Variants in RAD51D observed in about 807,000 individuals in gnomAD.
RAD51D encodes the protein DNA repair protein RAD51 homolog 4.
A neutral mutation model predicts 44.1 loss-of-function variants in RAD51D; 38 were observed. The ratio of observed to expected loss-of-function variants is 0.86; its 90% CI spans 0.67 to 1.13. RAD51D has a LOEUF of 1.13. Ranked by LOEUF, RAD51D falls within the 50% of genes most tolerant of loss-of-function variation. The probability of loss-of-function intolerance (pLI) is 0.00; values close to 1 mark genes in which losing one functional copy is unlikely to be tolerated. For missense variants in RAD51D, 390 were observed against 414.0 expected, an observed-to-expected ratio of 0.94 and a Z score of 0.50; for synonymous variants, 141 against 166.6, an observed-to-expected ratio of 0.85 and a Z score of 1.18.
At chr17:35,114,663 G>A (rs2091716542) in intron 3 of RAD51D, among the ~76,000 whole-genome samples, 1 of 152,162 alleles carries the variant, frequency 6.6e-6, no homozygotes, top group Admixed American at 6.5e-5. Context: ...CTGCACTCCT[G>A]CCTGGGCAAC....
intron 3 of RAD51D, chr17:35,113,646 T>C: frequency 2.8e-6 from 1 of 361,874 alleles, no homozygotes; most frequent in Non-Finnish European, 5.6e-6. Context: ...TGGTTACCAC[T>C]CTAGCCCTGT....
Position 35,119,741 on chromosome 17 carries a change from G to C in RAD51D, c.-128C>G. 1 of 921,170 alleles carries C rather than the reference G, an allele frequency of 1.1e-6. No individual in the cohort carries two copies. Among genetic ancestry groups the C allele is most frequent in the Non-Finnish European group, 1.7e-6 (1 of 580,002 alleles). The allele number at this position is 921,170 out of a possible 1,614,324, so 57.1% of individuals were successfully genotyped here. A position where few individuals can be genotyped will look rare whatever the true frequency, so the allele number is the denominator to read the frequency against. ...CACAGGCGCGCTGGCTGCCGGAGGAGAAAGGAGAGAGGAGGAGGCGGCACC... is the reference window on the plus strand; with the variant it reads ...CACAGGCGCGCTGGCTGCCGGAGGACAAAGGAGAGAGGAGGAGGCGGCACC... On this transcript the variant is annotated 5_prime_UTR_variant, in exon 1 of 10. Coordinates refer to ENST00000345365, the MANE Select transcript of RAD51D (RefSeq NM_002878.4).
Position 35,100,087 on chromosome 17 carries a change from T to C in RAD51D, c.*866A>G, listed in dbSNP as rs1292060712. 1.9e-6 allele frequency: 1 copy of C among 533,336 alleles called. No individual in the cohort carries two copies. Among genetic ancestry groups the C allele is most frequent in the East Asian group, 3.9e-5 (1 of 25,548 alleles). 33.0% of individuals were successfully genotyped at this position (533,336 alleles called of 1,614,324 possible). On this transcript the variant is annotated 3_prime_UTR_variant, in exon 10 of 10. Coordinates refer to ENST00000345365, the MANE Select transcript of RAD51D (RefSeq NM_002878.4). ...GTGCAAATTCTCCTCTGTCTGTTTA[T>C]GGGCAAGGCCATGGTTCAGCACCTC...
intron 1 of RAD51D, 34 bp from the exon 2 acceptor site, chr17:35,119,206 G>C (rs1439560307): frequency 6.3e-7 from 1 of 1,580,954 alleles, no homozygotes; most frequent in South Asian, 1.1e-5. Flanking sequence ...GATTGGCAGA[G>C]AGGACTGGGG....
intron 3 of RAD51D, among the ~76,000 whole-genome samples, chr17:35,116,480 T>TTTTTATTTTA (rs372975479): frequency 2.1e-3 from 324 of 150,966 alleles, no homozygotes; most frequent in Non-Finnish European, 3.2e-3. Flanking sequence ...TGATGATTTA[T>TTTTTATTTTA]TTTTATTTTA....
intron 3 of RAD51D, among the ~76,000 whole-genome samples, chr17:35,108,545 G>T (rs2091638393): frequency 7.6e-6 from 1 of 131,798 alleles, no homozygotes; most frequent in Non-Finnish European, 1.6e-5. Context: ...TATCACACAA[G>T]TAGCAAACTG....
chr17:35,096,310 CA>C lies in RAD51D; in HGVS notation c.*4642del, dbSNP rs983797463. ...TTGGCTTCCCAAATTACTGGGATTA[CA>C]GTCAGGAGCCACAGTTCCTGGCATG... On this transcript the variant is annotated 3_prime_UTR_variant, in exon 10 of 10. Coordinates refer to ENST00000345365, the MANE Select transcript of RAD51D (RefSeq NM_002878.4). 6.6e-6 allele frequency: 1 copy of C among 152,172 alleles called. No homozygotes were observed. The highest frequency in any genetic ancestry group is 6.5e-5 in the Admixed American group (1 of 15,272). 9.4% of individuals were successfully genotyped at this position (152,172 alleles called of 1,614,324 possible).
At chr17:35,119,272 G>C (rs539394505) in intron 1 of RAD51D, 100 bp from the exon 2 acceptor site, 97 of 1,179,414 alleles carry the variant, frequency 8.2e-5, no homozygotes, top group Admixed American at 1.5e-4. Context: ...TCTACCCCCC[G>C]GCAGGCCGTC....
rs901183754 is a variant in RAD51D at position 35,095,238 on chromosome 17, T to C, written c.*5715A>G. ...TGTCTCACGCCTGTAATCCAGGCAC[T>C]TTGGGAGGCAGAGGCAGGTGAATCA... On this transcript the variant is annotated 3_prime_UTR_variant, in exon 10 of 10. Transcript: ENST00000345365. 2 of 152,226 alleles carry C rather than the reference T, an allele frequency of 1.3e-5. No individual in the cohort carries two copies. Among genetic ancestry groups the C allele is most frequent in the Non-Finnish European group, 2.9e-5 (2 of 68,058 alleles). The allele number at this position is 152,226 out of a possible 1,614,324, so 9.4% of individuals were successfully genotyped here.
At chr17:35,118,677 G>T in intron 2 of RAD51D, 58 bp from the exon 3 acceptor site, 3 of 1,315,378 alleles carry the variant, frequency 2.3e-6, no homozygotes, top group Non-Finnish European at 3.3e-6. Flanking sequence ...TGGCATCCCA[G>T]GGTGTCATTC....
Position 35,100,928 on chromosome 17 carries a change from CCT to C in RAD51D, c.*23_*24del. The C allele has an allele frequency of 6.3e-7, 1 of 1,597,482 alleles. No individual in the cohort carries two copies. Among genetic ancestry groups the C allele is most frequent in the Non-Finnish European group, 8.6e-7 (1 of 1,165,302 alleles). On this transcript the variant is annotated 3_prime_UTR_variant, in exon 10 of 10. Transcript: ENST00000345365. ...AGTTGGGAGGGGTCCCCAATGCTTCCCTGTTTCCCAAACAACAGCACAGGTCA... is the reference window on the plus strand; with the variant it reads ...AGTTGGGAGGGGTCCCCAATGCTTCCGTTTCCCAAACAACAGCACAGGTCA...
At chr17:35,111,565 CA>C (rs891573125) in intron 3 of RAD51D, among the ~76,000 whole-genome samples, 288 of 141,440 alleles carry the variant, frequency 2.0e-3, no homozygotes, top group African/African-American at 4.3e-3. Flanking sequence ...GACTCTGTCT[CA>C]AAAAAAAAAA....
At chr17:35,108,639 T>C (rs2091639415) in intron 3 of RAD51D, among the ~76,000 whole-genome samples, 1 of 152,050 alleles carries the variant, frequency 6.6e-6, no homozygotes, top group Non-Finnish European at 1.5e-5. Context: ...TCTAGTCCTA[T>C]GCCATTTTAT....
intron 1 of RAD51D, 117 bp from the exon 2 acceptor site, chr17:35,119,289 G>T: frequency 2.9e-6 from 3 of 1,044,546 alleles, no homozygotes. Context: ...CGTCTCAGGA[G>T]GCCAGTGTGA....
At chr17:35,102,961 T>C (rs939012980) in intron 8 of RAD51D, among the ~76,000 whole-genome samples, 1 of 152,152 alleles carries the variant, frequency 6.6e-6, no homozygotes, top group Non-Finnish European at 1.5e-5. Flanking sequence ...TGGATACAAC[T>C]ATATCCATTA....
At position 35,115,943 on chromosome 17, in the gene RAD51D, GAAAAGGAA is replaced by G. The variant is rs1439838298; in HGVS notation, c.263+2550_263+2557del. Reference sequence around the variant, plus strand: ...AGGAAGGAAGGAAGGAAGGAAGAAAGAAAAGGAAGAAAGGAAAGAAAGAAAGAAAGAAA... The same window carrying G: ...AGGAAGGAAGGAAGGAAGGAAGAAAGGAAAGGAAAGAAAGAAAGAAAGAAA... On this transcript the variant is annotated intron_variant, in intron 3 of 9. Coordinates refer to ENST00000345365, the MANE Select transcript of RAD51D (RefSeq NM_002878.4). 7.1e-3 allele frequency among the ~76,000 whole-genome samples: 729 copies of G among 103,166 alleles called. 2 individuals carry two copies. Among genetic ancestry groups the G allele is most frequent in the Middle Eastern group, 0.017 (3 of 174 alleles). 67.7% of individuals were successfully genotyped at this position (103,166 alleles called of 152,430 possible). A position where few individuals can be genotyped will look rare whatever the true frequency, so the allele number is the denominator to read the frequency against.
chr17:35,117,553 G>A (rs538769391), intron 3 of RAD51D, among the ~76,000 whole-genome samples: 39 of 152,222 alleles, frequency 2.6e-4, no homozygotes, highest in African/African-American at 7.0e-4. Flanking sequence ...GCAGTGGTGC[G>A]ATCTTGGCCT....
In RAD51D at chr17:35,118,540, A is replaced by G. The variant is rs2142473963; in HGVS notation, c.224T>C (p.Leu75Pro). Residue 75 changes from leucine (L) to proline (P), a missense_variant, in exon 3 of 10, where the codon CTG (leucine) becomes CCG (proline). By Grantham distance (98) the Leu-to-Pro change is moderately conservative. Coordinates refer to ENST00000345365, the MANE Select transcript of RAD51D (RefSeq NM_002878.4). ...GGACAGGATGGCAGTGGAGGTCTTC[A>G]GTTCCTCGTAGAGATCAGCGCCATT... ...PVNGADLYEE[L>P]KTSTAILSTG... 1 of 1,614,172 alleles carries G rather than the reference A, an allele frequency of 6.2e-7. No homozygotes were observed. Among genetic ancestry groups the G allele is most frequent in the Non-Finnish European group, 8.5e-7 (1 of 1,180,032 alleles).
intron 3 of RAD51D, among the ~76,000 whole-genome samples, chr17:35,113,100 C>A (rs1295933636): frequency 2.0e-5 from 3 of 152,232 alleles, no homozygotes; most frequent in Admixed American, 6.5e-5. Context: ...CCTGCCCTAT[C>A]TCTAGGCTGA....
Sources: gnomAD v4.1 joint callset for allele counts (sites outside exome capture counted in the v4.1 genomes callset) on GRCh38, gnomAD v4.1.1 for gene constraint, MANE v1.5 for transcripts, NCBI Gene and HGNC (gene_info 2026-07-23, HGNC 2026-07-21) for gene names.